ANKRD46: variants seen among roughly 807,000 people sequenced by gnomAD.
The protein encoded by ANKRD46 is ankyrin repeat domain 46.
Under a neutral mutation model 19.8 loss-of-function variants are expected in ANKRD46, and 13 were observed. That is an observed-to-expected ratio of 0.66 (90% CI 0.43 to 1.04). The LOEUF (loss-of-function observed/expected upper bound fraction) is 1.04, where lower values mean the gene tolerates loss of function less well. ANKRD46 is among the 50% of genes least tolerant of loss of function. The probability of loss-of-function intolerance (pLI) is 0.00; values close to 1 mark genes in which losing one functional copy is unlikely to be tolerated. For missense variants in ANKRD46, 185 were observed against 274.8 expected, an observed-to-expected ratio of 0.67 and a Z score of 2.31; for synonymous variants, 91 against 106.9, an observed-to-expected ratio of 0.85 and a Z score of 0.92.
At chr8:100,547,617 G>A (rs1486494807) in intron 1 of ANKRD46, among the ~76,000 whole-genome samples, 1 of 152,052 alleles carries the variant, frequency 6.6e-6, no homozygotes, top group African/African-American at 2.4e-5. Flanking sequence ...GTAAGACCTT[G>A]TCTCAAAAAA....
Position 100,511,127 on chromosome 8 carries a change from G to A in ANKRD46, c.637-488C>T, listed in dbSNP as rs556327780. ...CTGTGCACCAACAACAGTGTTGAGC[G>A]GCTTACACATCGCAGCTGATCCCCT... On this transcript the variant is annotated intron_variant, in intron 5 of 5. Transcript: ENST00000520552. This position sits in a 1 kb window ranked among gnomAD's most constrained non-coding sequence, Gnocchi z 4.1. Among the ~76,000 whole-genome samples the A allele has an allele frequency of 3.9e-5, 6 of 152,262 alleles. No individual in the cohort carries two copies. In the South Asian group the frequency reaches 8.3e-4, roughly 21 times the overall value.
chr8:100,551,415 T>C, intron 1 of ANKRD46: 1 of 627,172 alleles, frequency 1.6e-6, no homozygotes, highest in Non-Finnish European at 3.0e-6. Flanking sequence ...GTCATGAAGA[T>C]GCCAGTGGAC....
intron 1 of ANKRD46, among the ~76,000 whole-genome samples, chr8:100,540,370 C>T (rs1761068753): frequency 6.6e-6 from 1 of 152,140 alleles, no homozygotes; most frequent in Non-Finnish European, 1.5e-5. Context: ...GAAACAATAC[C>T]TGGAAATGTC....
intron 1 of ANKRD46, among the ~76,000 whole-genome samples, chr8:100,558,723 T>A (rs1362683165): frequency 3.3e-5 from 5 of 152,126 alleles, no homozygotes; most frequent in Non-Finnish European, 5.9e-5. Context: ...GATACTGAAG[T>A]AAGGGAGATG....
In ANKRD46 at chr8:100,522,600, A is replaced by G. The variant is rs575770928; in HGVS notation, c.642T>C (p.Ser214=). ...LLSLGIAYYV[S]GVLPFVENQP... is the part of the protein sequence containing the mutation. ...GGTTTTCCACGAAGGGTAGCACCCC[A>G]CTCACATAATAAGCAATGCCAAGAG... The change falls in exon 5 of 5, where the codon AGT becomes AGC. Residue 214 remains serine, a synonymous_variant. Transcript: ENST00000335659. The G allele has an allele frequency of 9.9e-6, 16 of 1,614,072 alleles. No individual in the cohort carries two copies. In the African/African-American group the frequency reaches 1.2e-4, roughly 12 times the overall value.
Position 100,527,162 on chromosome 8 carries a change from T to G in ANKRD46, c.470+683A>C, listed in dbSNP as rs752411860. Reference sequence around the variant, plus strand: ...TCCATTGCTTCTAGATGAGAAATGATGAGCTATTCAAGACCCTGTCAGTTA... The same window carrying G: ...TCCATTGCTTCTAGATGAGAAATGAGGAGCTATTCAAGACCCTGTCAGTTA... On this transcript the variant is annotated intron_variant, in intron 4 of 4. Transcript: ENST00000335659. The surrounding 1 kb of genome is among the most constrained non-coding windows in gnomAD (Gnocchi z 4.0). Among the ~76,000 whole-genome samples, 3 of 152,216 alleles carry G rather than the reference T, an allele frequency of 2.0e-5. No homozygotes were observed. Among genetic ancestry groups the G allele is most frequent in the African/African-American group, 7.2e-5 (3 of 41,456 alleles).
At chr8:100,551,087 C>T in intron 1 of ANKRD46, 2 of 507,540 alleles carry the variant, frequency 3.9e-6, no homozygotes, top group East Asian at 4.9e-5. Flanking sequence ...TTGGCAACAC[C>T]AGTAGATGCA....
intron 1 of ANKRD46, among the ~76,000 whole-genome samples, chr8:100,558,657 C>T (rs1373273595): frequency 4.6e-5 from 7 of 152,188 alleles, no homozygotes; most frequent in Non-Finnish European, 8.8e-5. Context: ...GGCTACAAAT[C>T]TAATTGATAA....
chr8:100,533,755 A>G (rs1812009366), intron 1 of ANKRD46, among the ~76,000 whole-genome samples: 1 of 152,238 alleles, frequency 6.6e-6, no homozygotes, highest in South Asian at 2.1e-4. Context: ...GCCAATACTT[A>G]TATTTAAACC....
Position 100,557,036 on chromosome 8 carries a change from T to C in ANKRD46, c.-131+2675A>G, listed in dbSNP as rs1395232387. Among the ~76,000 whole-genome samples the C allele has an allele frequency of 2.7e-5, 4 of 149,454 alleles. No individual in the cohort carries two copies. The highest frequency in any genetic ancestry group is 1.9e-4 in the East Asian group (1 of 5,172). On this transcript the variant is annotated intron_variant, in intron 1 of 4. Transcript: ENST00000335659. This position sits in a 1 kb window ranked among gnomAD's most constrained non-coding sequence, Gnocchi z 5.9. ...TGGAATAACTGTCTTGGGGCACACA[T>C]ATAACGATAGCTGATGAGCTTAAAA...
chr8:100,514,340 G>A (rs1811594039), intron 5 of ANKRD46, among the ~76,000 whole-genome samples: 1 of 152,020 alleles, frequency 6.6e-6, no homozygotes, highest in Non-Finnish European at 1.5e-5. Flanking sequence ...ACATTAATTT[G>A]TAATGATTCC....
At chr8:100,539,195 A>AT (rs1045559486) in intron 1 of ANKRD46, among the ~76,000 whole-genome samples, 2 of 152,236 alleles carry the variant, frequency 1.3e-5, no homozygotes, top group South Asian at 4.1e-4. Flanking sequence ...TTATTTCTCT[A>AT]TTTTTTGGAA....
At chr8:100,551,195 C>A in intron 1 of ANKRD46, 1 of 443,566 alleles carries the variant, frequency 2.3e-6, no homozygotes, top group Admixed American at 3.1e-5. Flanking sequence ...ATTGTGGTCA[C>A]AAGTCCTTCC....
rs1812529331 is a variant in ANKRD46 at position 100,557,733 on chromosome 8, T to A, written c.-131+1978A>T. ...CTGTCCCTCTAACAAGACTGAAGGG[T>A]TCTGGGCTTTTGCCCTTGCTTGGTA... On this transcript the variant is annotated intron_variant, in intron 1 of 4. Coordinates refer to ENST00000335659, the MANE Select transcript of ANKRD46 (RefSeq NM_001270377.2). This position sits in a 1 kb window ranked among gnomAD's most constrained non-coding sequence, Gnocchi z 5.9. 6.6e-6 allele frequency among the ~76,000 whole-genome samples: 1 copy of A among 152,086 alleles called. No individual in the cohort carries two copies.
At position 100,533,239 on chromosome 8, in the gene ANKRD46, G is replaced by C. The variant is rs1812000580; in HGVS notation, c.-58C>G. On this transcript the variant is annotated 5_prime_UTR_variant, in exon 2 of 5. Coordinates refer to ENST00000335659, the MANE Select transcript of ANKRD46 (RefSeq NM_001270377.2). Reference sequence around the variant, plus strand: ...CCTTAAGATTAGATCTTTTCGTTCAGTGGTCACTCAGCAGTTTCTCTGAAT... The same window carrying C: ...CCTTAAGATTAGATCTTTTCGTTCACTGGTCACTCAGCAGTTTCTCTGAAT... The C allele has an allele frequency of 2.0e-5, 3 of 152,222 alleles. No individual in the cohort carries two copies. The South Asian group carries it at 6.2e-4, about 32-fold the overall frequency. 9.4% of individuals were successfully genotyped at this position (152,222 alleles called of 1,614,324 possible).
intron 1 of ANKRD46, among the ~76,000 whole-genome samples, chr8:100,552,149 T>TA (rs75161004): frequency 0.019 from 2,319 of 120,456 alleles, 31 homozygotes; most frequent in African/African-American, 0.032. Flanking sequence ...GACTCTGTCT[T>TA]AAAAAAAAAA....
rs535884359 is a variant in ANKRD46, at chr8:100,557,035, A to G, written c.-131+2676T>C. ...GTGGAATAACTGTCTTGGGGCACAC[A>G]TATAACGATAGCTGATGAGCTTAAA... On this transcript the variant is annotated intron_variant, in intron 1 of 4. Coordinates refer to ENST00000335659, the MANE Select transcript of ANKRD46 (RefSeq NM_001270377.2). The surrounding 1 kb of genome is among the most constrained non-coding windows in gnomAD (Gnocchi z 5.9). Among the ~76,000 whole-genome samples, 5 of 149,934 alleles carry G rather than the reference A, an allele frequency of 3.3e-5. No individual in the cohort carries two copies. The South Asian group carries it at 1.1e-3, about 32-fold the overall frequency.
intron 1 of ANKRD46, among the ~76,000 whole-genome samples, chr8:100,539,878 GT>G (rs1812140659): frequency 6.6e-6 from 1 of 152,060 alleles, no homozygotes; most frequent in African/African-American, 2.4e-5. Flanking sequence ...GCAAGACCCT[GT>G]CTGTACAAAA....
intron 5 of ANKRD46, among the ~76,000 whole-genome samples, chr8:100,513,524 T>A (rs984228611): frequency 1.3e-5 from 2 of 152,274 alleles, no homozygotes; most frequent in African/African-American, 4.8e-5. Flanking sequence ...GGTCAGTTCA[T>A]ATTAAGTTGG....
Sources: allele counts gnomAD v4.1 joint callset (sites outside exome capture counted in the v4.1 genomes callset), GRCh38; gene constraint gnomAD v4.1.1; non-coding constraint Gnocchi (gnomAD v3.1); transcripts MANE v1.5; gene names NCBI Gene and HGNC (gene_info 2026-07-23, HGNC 2026-07-21).